Variants in GDA observed in about 807,000 individuals in gnomAD.
The protein encoded by GDA is guanine deaminase.
In GDA, 18 loss-of-function variants were observed where a neutral mutation model predicts 59.6. The ratio of observed to expected loss-of-function variants is 0.30; its 90% CI spans 0.21 to 0.45. The LOEUF (loss-of-function observed/expected upper bound fraction) is 0.45, where lower values mean the gene tolerates loss of function less well. GDA is among the 20% of genes least tolerant of loss of function. GDA has a pLI of 1.00. For synonymous variants in GDA, 201 were observed against 201.1 expected (o/e 1.00, Z 0.00); for missense variants, 427 against 552.3 (o/e 0.77, Z 2.27).
Position 72,195,589 on chromosome 9 carries a change from GT to G in GDA, c.212+2del. On this transcript the variant is annotated splice_donor_variant, in intron 2 of 13. Transcript: ENST00000358399. LOFTEE classifies it high-confidence loss of function. ...GTGAAATAAGAGAACTGAGCCACCA[GT>G]AAGTTGTTACTTCTTCCCTTTTACT... 1 of 1,491,790 alleles carries G rather than the reference GT, an allele frequency of 6.7e-7. No individual in the cohort carries two copies. Among genetic ancestry groups the G allele is most frequent in the Non-Finnish European group, 9.2e-7 (1 of 1,086,188 alleles). The allele number at this position is 1,491,790 out of a possible 1,614,324, so 92.4% of individuals were successfully genotyped here.
chr9:72,195,688 A>G, intron 2 of GDA, 100 bp downstream of exon 2: 1 of 415,364 alleles, frequency 2.4e-6, no homozygotes, highest in South Asian at 5.0e-5. Context: ...AATAATATTA[A>G]TTTAACAATA....
At chr9:72,134,684 G>A (rs1286472636) in intron 1 of GDA, among the ~76,000 whole-genome samples, 4 of 152,164 alleles carry the variant, frequency 2.6e-5, no homozygotes, top group South Asian at 2.1e-4. Context: ...GATTACAGGC[G>A]TGAGCCACTG....
upstream of GDA, chr9:72,149,360 CT>C (rs1826847167): frequency 3.6e-6 from 2 of 559,496 alleles, no homozygotes; most frequent in Non-Finnish European, 6.2e-6. Context: ...GAGAAAAATC[CT>C]ATTGGCATTG....
intron 1 of GDA, among the ~76,000 whole-genome samples, chr9:72,131,454 C>T: frequency 1.2e-5 from 1 of 86,004 alleles, no homozygotes; most frequent in East Asian, 3.2e-4. Context: ...GGGAATGGTG[C>T]TGAGCCATTT....
In GDA at chr9:72,202,539, T is replaced by C. The variant is rs199540013; in HGVS notation, c.213-32T>C. On this transcript the variant is annotated intron_variant, in intron 2 of 13. Transcript: ENST00000358399. ...ATATGGGAAATGACTGAAGATATTA[T>C]TAAATACTTTTATTCTCATCTTAAT... is the stretch of plus-strand genomic sequence containing the variant. The C allele has an allele frequency of 2.9e-6, 4 of 1,402,218 alleles. No homozygotes were observed. In the East Asian group the frequency reaches 9.3e-5, roughly 33 times the overall value. 86.9% of individuals were successfully genotyped at this position (1,402,218 alleles called of 1,614,324 possible).
chr9:72,135,043 CA>C (rs1248187983), intron 1 of GDA, among the ~76,000 whole-genome samples: 12 of 152,184 alleles, frequency 7.9e-5, no homozygotes, highest in Non-Finnish European at 1.5e-4. Flanking sequence ...TTCTATAGAT[CA>C]GGGAAGACAA....
chr9:72,152,382 T>C (rs1827321192), intron 1 of GDA, among the ~76,000 whole-genome samples: 1 of 152,194 alleles, frequency 6.6e-6, no homozygotes, highest in Admixed American at 6.5e-5. Flanking sequence ...TTAAAAGAAA[T>C]TATCTAGCCA....
intron 3 of GDA, among the ~76,000 whole-genome samples, chr9:72,206,117 A>G (rs778405675): frequency 2.0e-5 from 3 of 152,152 alleles, no homozygotes; most frequent in Admixed American, 2.0e-4. Context: ...GATAGCTGAG[A>G]TTTATGACCT....
At chr9:72,211,359 T>C (rs982105551) in intron 4 of GDA, among the ~76,000 whole-genome samples, 2 of 152,252 alleles carry the variant, frequency 1.3e-5, no homozygotes, top group African/African-American at 4.8e-5. Flanking sequence ...TGGTTACTGA[T>C]GTCCTCATGT....
intron 1 of GDA, among the ~76,000 whole-genome samples, chr9:72,122,186 T>G (rs1465578782): frequency 6.6e-6 from 1 of 152,192 alleles, no homozygotes; most frequent in African/African-American, 2.4e-5. Flanking sequence ...CATGAGAATC[T>G]TCTGCCTAAT....
At chr9:72,240,581 T>C (rs79427362) in intron 10 of GDA, among the ~76,000 whole-genome samples, 1,810 of 152,274 alleles carry the variant, frequency 0.012, 44 homozygotes, top group African/African-American at 0.042. Flanking sequence ...TAGATATAAT[T>C]AAGGAAGAGA....
At chr9:72,242,455 G>T (rs1839722911) in intron 11 of GDA, among the ~76,000 whole-genome samples, 1 of 152,184 alleles carries the variant, frequency 6.6e-6, no homozygotes, top group South Asian at 2.1e-4. Context: ...AACACAGCAT[G>T]AAACCATAGG....
In GDA at chr9:72,248,700, A is replaced by C. The variant is rs1234179607; in HGVS notation, c.*358A>C. The C allele has an allele frequency of 2.0e-6, 2 of 1,021,132 alleles. No individual in the cohort carries two copies. Among genetic ancestry groups the C allele is most frequent in the Non-Finnish European group, 2.4e-6 (2 of 851,054 alleles). 63.3% of individuals were successfully genotyped at this position (1,021,132 alleles called of 1,614,324 possible). Reference sequence around the variant, plus strand: ...AGAAAAGATGTTCCTAAAAGGTTAGATATTTTGAGCTAATAATTGCAAAAA... The same window carrying C: ...AGAAAAGATGTTCCTAAAAGGTTAGCTATTTTGAGCTAATAATTGCAAAAA... On this transcript the variant is annotated 3_prime_UTR_variant, in exon 14 of 14. Coordinates refer to ENST00000358399, the MANE Select transcript of GDA (RefSeq NM_004293.5).
In GDA at chr9:72,149,569, G is replaced by C. The variant is rs958772053; in HGVS notation, c.10G>C (p.Ala4Pro). The change falls in exon 1 of 14, where the codon GCT (alanine) becomes CCT (proline). Residue 4 changes from alanine (A) to proline (P), a missense_variant. Coordinates refer to ENST00000358399, the MANE Select transcript of GDA (RefSeq NM_004293.5). ...GCGCTCCGCCGCTGACATGTGTGCC[G>C]CTCAGATGCCGCCCCTGGCGCACAT... MCAAQMPPLAHIFR... is the reference protein window; with the variant it reads MCAPQMPPLAHIFR... 2.5e-5 allele frequency: 41 copies of C among 1,610,902 alleles called. No individual in the cohort carries two copies. Among genetic ancestry groups the C allele is most frequent in the Non-Finnish European group, 3.4e-5 (40 of 1,179,122 alleles).
chr9:72,204,463 C>T (rs1834420791), intron 3 of GDA, among the ~76,000 whole-genome samples: 1 of 152,106 alleles, frequency 6.6e-6, no homozygotes, highest in South Asian at 2.1e-4. Context: ...GGGGTCCATG[C>T]ATTTGTTAGT....
intron 3 of GDA, among the ~76,000 whole-genome samples, chr9:72,205,751 TA>T (rs1453930126): frequency 6.6e-6 from 1 of 152,200 alleles, no homozygotes; most frequent in Non-Finnish European, 1.5e-5. Flanking sequence ...GTTGATAAAC[TA>T]AGTTAGGTTG....
At chr9:72,124,492 C>T (rs1825778713) in intron 1 of GDA, among the ~76,000 whole-genome samples, 1 of 152,050 alleles carries the variant, frequency 6.6e-6, no homozygotes, top group Non-Finnish European at 1.5e-5. Context: ...AGTATCTGCT[C>T]TGTTTGTCTT....
intron 1 of GDA, among the ~76,000 whole-genome samples, chr9:72,168,778 T>C (rs1461642044): frequency 6.6e-6 from 1 of 152,184 alleles, no homozygotes; most frequent in East Asian, 1.9e-4. Flanking sequence ...CCCTATAAAT[T>C]AACTATTCTT....
rs181680478 is a variant in GDA, at chr9:72,137,831, G to A, written c.-100+22998G>A. Among the ~76,000 whole-genome samples, 50 of 152,014 alleles carry A rather than the reference G, an allele frequency of 3.3e-4. 1 individual carries two copies. In the East Asian group the frequency reaches 9.3e-3, roughly 28 times the overall value. ...TTTCAGACATTGCCAAGTGCTCCCT[G>A]GGGAGTGTAAGAATTAAATAAAGAG... is the stretch of plus-strand genomic sequence containing the variant. On this transcript the variant is annotated intron_variant, in intron 1 of 13. Coordinates refer to the GDA transcript ENST00000545168.
Sources: allele counts gnomAD v4.1 joint callset (sites outside exome capture counted in the v4.1 genomes callset), GRCh38; gene constraint gnomAD v4.1.1; transcripts MANE v1.5; gene names NCBI Gene and HGNC (gene_info 2026-07-23, HGNC 2026-07-21).